The following ASTN1 variants were observed in gnomAD, a reference collection of about 807,000 sequenced individuals.
The protein encoded by ASTN1 is astrotactin-1.
A neutral mutation model predicts 140.7 loss-of-function variants in ASTN1; 41 were observed. That is an observed-to-expected ratio of 0.29 (90% CI 0.23 to 0.38). ASTN1 has a LOEUF of 0.38. ASTN1 is among the 10% of genes least tolerant of loss of function. The pLI is 1.00. For missense variants in ASTN1, 1,479 were observed against 1,678.8 expected, an observed-to-expected ratio of 0.88 and a Z score of 2.08; for synonymous variants, 640 against 652.2, an observed-to-expected ratio of 0.98 and a Z score of 0.29.
intron 14 of ASTN1, among the ~76,000 whole-genome samples, chr1:176,940,203 T>C (rs1027680826): frequency 6.6e-6 from 1 of 152,062 alleles, no homozygotes; most frequent in Admixed American, 6.6e-5. Context: ...AAAATAGAAC[T>C]CTGACTCACA....
chr1:176,947,532 C>A (rs1001934240), intron 12 of ASTN1, among the ~76,000 whole-genome samples: 2 of 152,144 alleles, frequency 1.3e-5, no homozygotes, highest in Middle Eastern at 3.2e-3. Flanking sequence ...CTTATTGAAA[C>A]AGGAAAGAAA....
chr1:177,092,536 C>T (rs1006893162), intron 1 of ASTN1, among the ~76,000 whole-genome samples: 1 of 152,090 alleles, frequency 6.6e-6, no homozygotes, highest in Non-Finnish European at 1.5e-5. Context: ...TTTCTTTTGT[C>T]GCTTTTGCTT....
At chr1:177,071,418 C>A (rs368339117) in intron 1 of ASTN1, among the ~76,000 whole-genome samples, 1 of 152,174 alleles carries the variant, frequency 6.6e-6, no homozygotes, top group Non-Finnish European at 1.5e-5. Context: ...AACAGTTATG[C>A]TTTTATCAGT....
intron 8 of ASTN1, among the ~76,000 whole-genome samples, chr1:176,999,062 C>T (rs1181204975): frequency 6.6e-6 from 1 of 152,130 alleles, no homozygotes; most frequent in Non-Finnish European, 1.5e-5. Flanking sequence ...TTGTCTTCAC[C>T]TTCACTTATC....
intron 1 of ASTN1, among the ~76,000 whole-genome samples, chr1:177,137,606 G>A (rs1249538239): frequency 6.6e-6 from 1 of 152,198 alleles, no homozygotes; most frequent in East Asian, 1.9e-4. Context: ...CAAGGTCACA[G>A]TTACCTAGAG....
At chr1:177,005,951 A>C (rs1674974311) in intron 8 of ASTN1, among the ~76,000 whole-genome samples, 1 of 152,164 alleles carries the variant, frequency 6.6e-6, no homozygotes, top group Admixed American at 6.5e-5. Context: ...GATTACTCCA[A>C]GTGTTCAGTG....
intron 1 of ASTN1, among the ~76,000 whole-genome samples, chr1:177,144,860 G>C (rs183956458): frequency 3.7e-4 from 57 of 152,200 alleles, no homozygotes; most frequent in Non-Finnish European, 2.9e-5. Context: ...TAACTGGTGG[G>C]ATCTGGCGTA....
At chr1:176,884,200 GCTT>G (rs148577341) in intron 19 of ASTN1, 136 bp downstream of exon 19, 10 of 969,424 alleles carry the variant, frequency 1.0e-5, no homozygotes, top group Admixed American at 2.6e-5. Flanking sequence ...AAGAAGAACA[GCTT>G]CTTCTTCTCC....
intron 8 of ASTN1, among the ~76,000 whole-genome samples, chr1:176,980,370 G>A (rs747422667): frequency 6.6e-6 from 1 of 152,074 alleles, no homozygotes; most frequent in Admixed American, 6.6e-5. Flanking sequence ...CAGTGGACAG[G>A]TTTTTGGCAC....
rs527246563 is a variant in ASTN1 at position 177,149,519 on chromosome 1, GTA to G, written c.283+14873_283+14874del. Among the ~76,000 whole-genome samples the G allele has an allele frequency of 1.3e-3, 90 of 68,058 alleles. 3 individuals are homozygous for G. Among genetic ancestry groups the G allele is most frequent in the African/African-American group, 6.8e-3 (78 of 11,418 alleles). The allele number at this position is 68,058 out of a possible 152,430, so 44.6% of individuals were successfully genotyped here. A position where few individuals can be genotyped will look rare whatever the true frequency, so the allele number is the denominator to read the frequency against. On this transcript the variant is annotated intron_variant, in intron 1 of 22. Transcript: ENST00000361833. ...AGTATATATATAGTAAATATATATA[GTA>G]TATATATAGTAAATATATATAGTAT... is the stretch of plus-strand genomic sequence containing the variant.
At chr1:177,020,408 C>T (rs1020442305) in intron 7 of ASTN1, among the ~76,000 whole-genome samples, 2 of 152,184 alleles carry the variant, frequency 1.3e-5, no homozygotes, top group Admixed American at 1.3e-4. Flanking sequence ...CTTCTAGAGG[C>T]TGCTGACATT....
chr1:176,867,835 G>T (rs533608742), intron 22 of ASTN1, among the ~76,000 whole-genome samples: 2 of 152,304 alleles, frequency 1.3e-5, no homozygotes, highest in South Asian at 4.1e-4. Flanking sequence ...GATGACTTTT[G>T]TATGGTACTT....
chr1:176,868,794 T>C (rs371842986), intron 22 of ASTN1, 50 bp downstream of exon 22: 1 of 1,519,546 alleles, frequency 6.6e-7, no homozygotes, highest in Non-Finnish European at 8.9e-7. Flanking sequence ...GCACAAGAGG[T>C]ACAAAATTTC....
intron 16 of ASTN1, among the ~76,000 whole-genome samples, chr1:176,917,274 T>A (rs140151244): frequency 2.6e-5 from 4 of 152,290 alleles, no homozygotes; most frequent in African/African-American, 9.6e-5. Context: ...ATGCTTTCCA[T>A]AGGGCCTGGC....
intron 8 of ASTN1, among the ~76,000 whole-genome samples, chr1:176,971,021 C>T (rs1469898768): frequency 6.6e-6 from 1 of 152,150 alleles, no homozygotes; most frequent in Non-Finnish European, 1.5e-5. Flanking sequence ...TGACCAGCTA[C>T]TCACAGCACT....
intron 14 of ASTN1, among the ~76,000 whole-genome samples, chr1:176,939,025 T>C (rs1671570873): frequency 6.6e-6 from 1 of 151,684 alleles, no homozygotes; most frequent in Admixed American, 6.6e-5. Flanking sequence ...GGCAGAAAAA[T>C]TGCTTGAACC....
chr1:176,874,290 C>T (rs1055172504), intron 21 of ASTN1, among the ~76,000 whole-genome samples: 2 of 152,122 alleles, frequency 1.3e-5, no homozygotes, highest in Non-Finnish European at 2.9e-5. Flanking sequence ...CAGAGACCTT[C>T]GAAAGTCATT....
intron 11 of ASTN1, among the ~76,000 whole-genome samples, chr1:176,954,131 T>G (rs1672307190): frequency 6.6e-6 from 1 of 152,148 alleles, no homozygotes; most frequent in African/African-American, 2.4e-5. Flanking sequence ...TCCAATGATG[T>G]CCCTGGCATA....
intron 22 of ASTN1, among the ~76,000 whole-genome samples, chr1:176,865,758 G>C (rs987752855): frequency 6.6e-6 from 1 of 152,164 alleles, no homozygotes; most frequent in Non-Finnish European, 1.5e-5. Context: ...CTGAGACTGG[G>C]CAATTTACAA....
Sources: gnomAD v4.1 joint callset for allele counts (sites outside exome capture counted in the v4.1 genomes callset) on GRCh38, gnomAD v4.1.1 for gene constraint, MANE v1.5 for transcripts, NCBI Gene and HGNC (gene_info 2026-07-23, HGNC 2026-07-21) for gene names.